The following TRPM3 variants were observed in gnomAD, a reference collection of about 807,000 sequenced individuals.
The protein encoded by TRPM3 is long transient receptor potential channel 3.
In TRPM3, 77 loss-of-function variants were observed where a neutral mutation model predicts 181.2. The ratio of observed to expected loss-of-function variants is 0.42; its 90% confidence interval spans 0.35 to 0.51. The LOEUF (loss-of-function observed/expected upper bound fraction) is 0.51. TRPM3 is among the 20% of genes least tolerant of loss of function. TRPM3 has a pLI of 0.01. For missense variants in TRPM3, 1,759 were observed against 2,196.7 expected, an observed-to-expected ratio of 0.80 and a Z score of 3.98; for synonymous variants, 745 against 796.4, an observed-to-expected ratio of 0.94 and a Z score of 1.09.
intron 1 of TRPM3, among the ~76,000 whole-genome samples, chr9:71,380,690 T>G (rs61517175): frequency 0.045 from 6,896 of 152,160 alleles, 518 homozygotes; most frequent in African/African-American, 0.16. Context: ...GTGACTTTAT[T>G]AAATAAGGTT....
At chr9:71,141,625 G>A (rs532086931) in intron 1 of TRPM3, among the ~76,000 whole-genome samples, 1 of 152,212 alleles carries the variant, frequency 6.6e-6, no homozygotes, top group South Asian at 2.1e-4. Flanking sequence ...TCTGTACAAC[G>A]TCAGGTTGTC....
In TRPM3 at chr9:70,604,888, T is replaced by G. The variant is rs531735046; in HGVS notation, c.2668-1418A>C. Among the ~76,000 whole-genome samples, 11 of 151,920 alleles carry G rather than the reference T, an allele frequency of 7.2e-5. No individual in the cohort carries two copies. In the South Asian group the frequency reaches 2.3e-3, roughly 32 times the overall value. The stretch of plus-strand genomic sequence containing the variant: ...ATCTCAAACTCCTGGGCTCAAGAGA[T>G]CCTCCTATCTATCTTGGCCTCCCAA... On this transcript the variant is annotated intron_variant, in intron 19 of 25. Transcript: ENST00000677713.
At chr9:70,633,896 G>C (rs1467687728) in intron 12 of TRPM3, among the ~76,000 whole-genome samples, 1 of 152,060 alleles carries the variant, frequency 6.6e-6, no homozygotes, top group Non-Finnish European at 1.5e-5. Context: ...TACATGTATG[G>C]GCACATAGGT....
intron 1 of TRPM3, among the ~76,000 whole-genome samples, chr9:71,084,168 G>A (rs150997568): frequency 0.015 from 2,210 of 152,022 alleles, 22 homozygotes; most frequent in Non-Finnish European, 0.023. Context: ...TGATTCTCGT[G>A]GCATCCTTGA....
intron 1 of TRPM3, among the ~76,000 whole-genome samples, chr9:71,009,605 T>C (rs1256110444): frequency 1.3e-5 from 2 of 152,150 alleles, no homozygotes; most frequent in Non-Finnish European, 2.9e-5. Flanking sequence ...AATGGAAATA[T>C]ACCCCATGTT....
chr9:71,268,329 G>A (rs975451476), intron 1 of TRPM3, among the ~76,000 whole-genome samples: 7 of 151,822 alleles, frequency 4.6e-5, no homozygotes, highest in East Asian at 3.9e-4. Context: ...GCAGTGAGCC[G>A]TGATCACGCC....
At chr9:70,793,621 C>G (rs1478452508) in intron 6 of TRPM3, 3 of 470,654 alleles carry the variant, frequency 6.4e-6, no homozygotes, top group South Asian at 4.6e-5. Flanking sequence ...CCGGCTGCCA[C>G]TCTGCTTGCT....
At chr9:71,173,156 T>C (rs1362840941) in intron 1 of TRPM3, among the ~76,000 whole-genome samples, 1 of 152,210 alleles carries the variant, frequency 6.6e-6, no homozygotes, top group African/African-American at 2.4e-5. Context: ...CCTTGTCACA[T>C]AACTGCATTT....
At chr9:71,176,180 C>T (rs2077098368) in intron 1 of TRPM3, among the ~76,000 whole-genome samples, 1 of 152,068 alleles carries the variant, frequency 6.6e-6, no homozygotes, top group African/African-American at 2.4e-5. Context: ...TGTAAACAGC[C>T]TCAGGCAGGT....
In TRPM3 at chr9:70,827,958, T is replaced by C. The variant is rs530642805; in HGVS notation, c.862A>G (p.Met288Val). 6 of 1,614,008 alleles carry C rather than the reference T, an allele frequency of 3.7e-6. No homozygotes were observed. The highest frequency in any genetic ancestry group is 1.1e-5 in the South Asian group (1 of 91,070). The change falls in exon 6 of 26, where the codon ATG (methionine) becomes GTG (valine). Residue 288 changes from methionine (M) to valine (V), a missense_variant. Met to Val is a conservative substitution (Grantham distance 21). Coordinates refer to ENST00000677713, the MANE Select transcript of TRPM3 (RefSeq NM_001366145.2). Reference sequence around the variant, plus strand: ...TCAGCCAGAATGAAGTGGGAATGCATGCTGTTGAGAACAGTGAGCTTGCTC... The same window carrying C: ...TCAGCCAGAATGAAGTGGGAATGCACGCTGTTGAGAACAGTGAGCTTGCTC... Reference protein sequence around the residue: ...PMSKLTVLNSMHSHFILADNG... With the variant: ...PMSKLTVLNSVHSHFILADNG...
intron 1 of TRPM3, among the ~76,000 whole-genome samples, chr9:71,434,595 T>C (rs546655509): frequency 1.3e-5 from 2 of 152,344 alleles, no homozygotes; most frequent in African/African-American, 4.8e-5. Flanking sequence ...AGTTTTATAG[T>C]TTAATTGTTC....
chr9:70,951,692 G>A lies in TRPM3; in HGVS notation c.178-87181C>T, dbSNP rs77965088. Among the ~76,000 whole-genome samples, 3 of 152,118 alleles carry A rather than the reference G, an allele frequency of 2.0e-5. No individual in the cohort carries two copies. In the East Asian group the frequency reaches 5.8e-4, roughly 29 times the overall value. On this transcript the variant is annotated intron_variant, in intron 1 of 25. Transcript: ENST00000677713. Reference sequence around the variant, plus strand: ...AGAAACAGGACAGGATGTAAGTATTGTTGCTTATATAACCCAGGAGGAGTA... The same window carrying A: ...AGAAACAGGACAGGATGTAAGTATTATTGCTTATATAACCCAGGAGGAGTA...
intron 1 of TRPM3, among the ~76,000 whole-genome samples, chr9:71,195,641 T>C (rs76255580): frequency 1.3e-5 from 2 of 152,114 alleles, no homozygotes; most frequent in African/African-American, 2.4e-5. Context: ...TGTTCTATCA[T>C]AGAGATACAT....
intron 1 of TRPM3, among the ~76,000 whole-genome samples, chr9:71,093,736 G>A (rs1050672064): frequency 6.6e-6 from 1 of 152,006 alleles, no homozygotes; most frequent in East Asian, 1.9e-4. Flanking sequence ...CCCATTACTG[G>A]GTATATACCC....
At chr9:71,428,725 A>G (rs1588989291) in intron 1 of TRPM3, among the ~76,000 whole-genome samples, 1 of 152,160 alleles carries the variant, frequency 6.6e-6, no homozygotes, top group Non-Finnish European at 1.5e-5. Flanking sequence ...CTAATGAAAA[A>G]CATATAACAC....
chr9:71,133,199 T>C (rs764201130), intron 1 of TRPM3, among the ~76,000 whole-genome samples: 92 of 151,338 alleles, frequency 6.1e-4, no homozygotes, highest in Non-Finnish European at 1.3e-3. Flanking sequence ...TTGGCCAAGA[T>C]AATCACAGAA....
At chr9:71,353,484 A>T (rs1345671516) in intron 1 of TRPM3, among the ~76,000 whole-genome samples, 1 of 152,150 alleles carries the variant, frequency 6.6e-6, no homozygotes, top group East Asian at 1.9e-4. Context: ...TGGCAGAGTT[A>T]GGCTGCAGGG....
chr9:70,894,380 C>T (rs922873283), intron 1 of TRPM3, among the ~76,000 whole-genome samples: 4 of 152,104 alleles, frequency 2.6e-5, no homozygotes, highest in Non-Finnish European at 4.4e-5. Flanking sequence ...AAGGGACCAT[C>T]GGGCATTACT....
In TRPM3 at chr9:71,420,989, G is replaced by GAGAGAAAAAGAGAGAAAAAGAGAGAAAA. The variant is rs1554658569; in HGVS notation, c.183+25663_183+25664insTTTTCTCTCTTTTTCTCTCTTTTTCTCT. 2.2e-4 allele frequency among the ~76,000 whole-genome samples: 22 copies of GAGAGAAAAAGAGAGAAAAAGAGAGAAAA among 101,838 alleles called. No individual in the cohort carries two copies. The East Asian group carries it at 2.4e-3, about 11-fold the overall frequency. 66.8% of individuals were successfully genotyped at this position (101,838 alleles called of 152,430 possible). A position where few individuals can be genotyped will look rare whatever the true frequency, so the allele number is the denominator to read the frequency against. ...AGGGAGAGAAAAAGAGAGAGAAAAA[G>GAGAGAAAAAGAGAGAAAAAGAGAGAAAA]AGAGAGAAAAAGAGAGAAAAAGAGA... On this transcript the variant is annotated intron_variant, in intron 1 of 24. Coordinates refer to the TRPM3 transcript ENST00000357533.
Sources: gnomAD v4.1 joint callset for allele counts (sites outside exome capture counted in the v4.1 genomes callset) on GRCh38, gnomAD v4.1.1 for gene constraint, MANE v1.5 for transcripts, NCBI Gene and HGNC (gene_info 2026-07-23, HGNC 2026-07-21) for gene names.